Variants in DPP10 observed in about 807,000 individuals in gnomAD.
DPP10 encodes the protein inactive dipeptidyl peptidase 10.
DPP10 carries 33 observed loss-of-function variants against 120.9 expected under a neutral mutation model. That is an observed-to-expected ratio of 0.27 (90% CI 0.21 to 0.37). The LOEUF (loss-of-function observed/expected upper bound fraction) is 0.37. Ranked by LOEUF, DPP10 falls within the 10% of genes least tolerant of loss-of-function variation. DPP10 has a pLI of 1.00. For synonymous variants in DPP10, 337 were observed against 326.1 expected (o/e 1.03, Z -0.36); for missense variants, 816 against 942.8 (o/e 0.87, Z 1.76).
intron 1 of DPP10, among the ~76,000 whole-genome samples, chr2:115,191,278 C>T (rs1482731236): frequency 2.6e-5 from 4 of 152,320 alleles, no homozygotes; most frequent in South Asian, 2.1e-4. Context: ...GGACCAACTT[C>T]GGCAGAGAAG....
At chr2:115,568,437 T>C (rs1420973304) in intron 5 of DPP10, among the ~76,000 whole-genome samples, 3 of 151,990 alleles carry the variant, frequency 2.0e-5, no homozygotes, top group Non-Finnish European at 4.4e-5. Context: ...GAGCCAAGAT[T>C]GCGCCACTGC....
At chr2:115,700,456 A>G (rs1173149335) in intron 7 of DPP10, among the ~76,000 whole-genome samples, 1 of 152,196 alleles carries the variant, frequency 6.6e-6, no homozygotes, top group Non-Finnish European at 1.5e-5. Flanking sequence ...GTCATCATGT[A>G]TGCAAAATGA....
At chr2:115,049,584 G>A (rs1705315082) in intron 1 of DPP10, among the ~76,000 whole-genome samples, 1 of 152,124 alleles carries the variant, frequency 6.6e-6, no homozygotes, top group Admixed American at 6.6e-5. Flanking sequence ...TTTCTAAATT[G>A]TAATTTATGT....
intron 1 of DPP10, among the ~76,000 whole-genome samples, chr2:115,117,257 T>C (rs1274672832): frequency 6.6e-6 from 1 of 152,208 alleles, no homozygotes; most frequent in Non-Finnish European, 1.5e-5. Context: ...TATGTGGTTT[T>C]ATCATTAAAA....
At chr2:114,544,998 C>T (rs1687265839) in intron 1 of DPP10, among the ~76,000 whole-genome samples, 7 of 151,794 alleles carry the variant, frequency 4.6e-5, no homozygotes, top group Admixed American at 4.6e-4. Context: ...ATTACAGGCG[C>T]CCGCCACCAT....
chr2:115,282,662 C>T (rs1325337044), intron 1 of DPP10, among the ~76,000 whole-genome samples: 1 of 152,066 alleles, frequency 6.6e-6, no homozygotes, highest in Non-Finnish European at 1.5e-5. Flanking sequence ...TTTCTCACAC[C>T]ATCAAACTTT....
chr2:115,507,771 A>C (rs182979095), intron 4 of DPP10, among the ~76,000 whole-genome samples: 2 of 152,304 alleles, frequency 1.3e-5, no homozygotes, highest in East Asian at 3.9e-4. Flanking sequence ...CACTCTGTCA[A>C]TTATATGGAG....
intron 4 of DPP10, among the ~76,000 whole-genome samples, chr2:115,521,161 C>G (rs1279970340): frequency 6.6e-6 from 1 of 151,998 alleles, no homozygotes; most frequent in Non-Finnish European, 1.5e-5. Flanking sequence ...AACAAAGGTA[C>G]AAGAAAAAGA....
intron 1 of DPP10, among the ~76,000 whole-genome samples, chr2:114,449,747 T>A (rs1161265434): frequency 1.3e-5 from 2 of 152,182 alleles, no homozygotes; most frequent in African/African-American, 4.8e-5. Context: ...TTATGATTTG[T>A]TCTAGTAGCA....
chr2:114,512,430 G>T (rs917245845), intron 1 of DPP10, among the ~76,000 whole-genome samples: 2 of 152,154 alleles, frequency 1.3e-5, no homozygotes, highest in Non-Finnish European at 2.9e-5. Context: ...TATAGAAACT[G>T]CATTTTCTGC....
chr2:114,948,454 C>T (rs1697530506), intron 1 of DPP10, among the ~76,000 whole-genome samples: 1 of 152,018 alleles, frequency 6.6e-6, no homozygotes, highest in South Asian at 2.1e-4. Context: ...AATTGTTGTC[C>T]TATGGTTCAT....
chr2:114,787,651 C>T lies in DPP10; in HGVS notation c.60+344813C>T, dbSNP rs1209762198. On this transcript the variant is annotated intron_variant, in intron 1 of 25. Transcript: ENST00000410059. ...CACACCGTCACCATGCCACCCTTTA[C>T]GTGCCTTGAGCCAATGTGTGTATGT... Among the ~76,000 whole-genome samples the T allele has an allele frequency of 2.6e-5, 4 of 152,190 alleles. No homozygotes were observed. The South Asian group carries it at 8.3e-4, about 31-fold the overall frequency.
chr2:115,081,061 C>CT (rs777497285), intron 1 of DPP10, among the ~76,000 whole-genome samples: 7 of 152,052 alleles, frequency 4.6e-5, no homozygotes, highest in Non-Finnish European at 7.4e-5. Flanking sequence ...TTTTCTCAGT[C>CT]TTTTTTTCCC....
intron 1 of DPP10, among the ~76,000 whole-genome samples, chr2:115,207,553 G>C (rs2056230845): frequency 6.6e-6 from 1 of 151,016 alleles, no homozygotes; most frequent in Admixed American, 6.6e-5. Flanking sequence ...GCAATACATA[G>C]TAGAAGTTAG....
intron 1 of DPP10, among the ~76,000 whole-genome samples, chr2:114,608,928 CTA>C (rs1191101037): frequency 6.6e-6 from 1 of 152,090 alleles, no homozygotes; most frequent in African/African-American, 2.4e-5. Flanking sequence ...GAAAAACTAA[CTA>C]TTGGGTACTA....
At chr2:114,667,965 A>G (rs1188611390) in intron 1 of DPP10, among the ~76,000 whole-genome samples, 1 of 152,204 alleles carries the variant, frequency 6.6e-6, no homozygotes, top group African/African-American at 2.4e-5. Flanking sequence ...TGTCCTTTGT[A>G]TCTTTAGGTC....
chr2:114,740,529 A>C (rs897848725), intron 1 of DPP10, among the ~76,000 whole-genome samples: 1 of 152,058 alleles, frequency 6.6e-6, no homozygotes, highest in Non-Finnish European at 1.5e-5. Context: ...TTAAAAAAAA[A>C]CTTAAATGTA....
chr2:114,812,967 T>C (rs1685313293), intron 1 of DPP10, among the ~76,000 whole-genome samples: 1 of 152,230 alleles, frequency 6.6e-6, no homozygotes, highest in Non-Finnish European at 1.5e-5. Flanking sequence ...ATGGTTTCCC[T>C]GGGCAACAGT....
At chr2:115,034,614 T>C (rs1028919934) in intron 1 of DPP10, among the ~76,000 whole-genome samples, 2 of 152,222 alleles carry the variant, frequency 1.3e-5, no homozygotes, top group African/African-American at 4.8e-5. Flanking sequence ...CCTTCTCAGT[T>C]AGTTAAAATA....
Sources: gnomAD v4.1 joint callset for allele counts (sites outside exome capture counted in the v4.1 genomes callset) on GRCh38, gnomAD v4.1.1 for gene constraint, MANE v1.5 for transcripts, NCBI Gene and HGNC (gene_info 2026-07-23, HGNC 2026-07-21) for gene names.